Variants in MARCHF8 observed in about 807,000 individuals in gnomAD.
The protein encoded by MARCHF8 is membrane associated ring-CH-type finger 8.
In MARCHF8, 40 loss-of-function variants were observed where a neutral mutation model predicts 51.6. The observed-to-expected ratio is 0.77, with a 90% confidence interval of 0.60 to 1.01. The LOEUF (loss-of-function observed/expected upper bound fraction) is 1.01, where lower values mean the gene tolerates loss of function less well. MARCHF8 is among the 50% of genes least tolerant of loss of function. The pLI, the probability that MARCHF8 is intolerant of heterozygous loss-of-function variation, is 0.00. For synonymous variants in MARCHF8, 263 were observed against 280.3 expected (o/e 0.94, Z 0.62); for missense variants, 685 against 708.6 (o/e 0.97, Z 0.38).
chr10:45,511,847 G>C (rs1170625462), intron 2 of MARCHF8, among the ~76,000 whole-genome samples: 1 of 151,980 alleles, frequency 6.6e-6, no homozygotes, highest in African/African-American at 2.4e-5. Flanking sequence ...GGGAAGTGAG[G>C]AGCGTCTCTG....
chr10:45,463,589 C>T lies in MARCHF8; in HGVS notation c.650G>A (p.Cys217Tyr), dbSNP rs1363044928. The T allele has an allele frequency of 1.3e-6, 2 of 1,550,552 alleles. No homozygotes were observed. Among genetic ancestry groups the T allele is most frequent in the African/African-American group, 1.4e-5 (1 of 73,058 alleles). Residue 217 changes from cysteine (C) to tyrosine (Y), a missense_variant, in exon 5 of 8, where the codon TGT (cysteine) becomes TAT (tyrosine). Cys to Tyr is a radical substitution (Grantham distance 194). Coordinates refer to ENST00000453424, the MANE Select transcript of MARCHF8 (RefSeq NM_001282866.2). ...GCGACCGGCAGAAAGGCATGAAACA[C>T]AAGAATGTTTGGAATTGCCAAGAGG... ...HKPLGNSKHSCVSCLSAGRST... is the reference protein window; with the variant it reads ...HKPLGNSKHSYVSCLSAGRST...
chr10:45,564,806 A>G (rs184062035), intron 1 of MARCHF8, among the ~76,000 whole-genome samples: 1 of 152,180 alleles, frequency 6.6e-6, no homozygotes, highest in East Asian at 1.9e-4. Flanking sequence ...TTTAATCAGA[A>G]AAAGAAGCCA....
chr10:45,548,775 G>A (rs1445320917), intron 1 of MARCHF8, among the ~76,000 whole-genome samples: 1 of 151,926 alleles, frequency 6.6e-6, no homozygotes, highest in East Asian at 1.9e-4. Context: ...GCGGTGGATC[G>A]CCTGAGGTCA....
At chr10:45,534,796 C>T (rs2043948636) in intron 1 of MARCHF8, among the ~76,000 whole-genome samples, 1 of 152,110 alleles carries the variant, frequency 6.6e-6, no homozygotes, top group Admixed American at 6.6e-5. Context: ...CTCTACCTCT[C>T]CCCAAACTCT....
rs34446338 is a variant in MARCHF8 at position 45,580,003 on chromosome 10, C to CAA, written c.-79+14230_-79+14231dup. Among the ~76,000 whole-genome samples the CAA allele has an allele frequency of 1.4e-3, 51 of 36,462 alleles. 1 individual carries two copies. Among genetic ancestry groups the CAA allele is most frequent in the South Asian group, 5.4e-3 (4 of 742 alleles). 23.9% of individuals were successfully genotyped at this position (36,462 alleles called of 152,430 possible). A position where few individuals can be genotyped will look rare whatever the true frequency, so the allele number is the denominator to read the frequency against. The stretch of plus-strand genomic sequence containing the variant: ...ACTCCAGCCTGAAAGACTCCGTCTC[C>CAA]AAAAAAAAAAAAAAAAAAAAAAAAA... On this transcript the variant is annotated intron_variant, in intron 1 of 6. Coordinates refer to the MARCHF8 transcript ENST00000319836.
rs7908745 is a variant in MARCHF8 at position 45,458,319 on chromosome 10, A to G, written c.1642T>C (p.Tyr548His). The G allele has an allele frequency of 0.31, 507,442 of 1,613,644 alleles. 81,200 individuals carry two copies. The highest frequency in any genetic ancestry group is 0.39 in the Admixed American group (23,387 of 60,010). Reference protein sequence around the residue: ...TEPNFENKHGYGICHSDTNSS... With the variant: ...TEPNFENKHGHGICHSDTNSS... Reference sequence around the variant, plus strand: ...TTTGTGTCGGAATGACAGATTCCATATCCATGTTTATTTTCAAAGTTGGGC... The same window carrying G: ...TTTGTGTCGGAATGACAGATTCCATGTCCATGTTTATTTTCAAAGTTGGGC... Residue 548 changes from tyrosine to histidine, a missense_variant, in exon 8 of 8, where the codon TAT becomes CAT. Tyr to His is a moderately conservative substitution (Grantham distance 83). Transcript: ENST00000453424.
chr10:45,521,265 T>TGCA (rs2043700763), intron 2 of MARCHF8, among the ~76,000 whole-genome samples: 1 of 152,226 alleles, frequency 6.6e-6, no homozygotes, highest in African/African-American at 2.4e-5. Context: ...ATAAACTGCC[T>TGCA]AGGCAGGTAT....
At chr10:45,576,880 T>G (rs2044495762) in intron 1 of MARCHF8, among the ~76,000 whole-genome samples, 1 of 147,976 alleles carries the variant, frequency 6.8e-6, no homozygotes. Context: ...TCACTGGAGC[T>G]CAGGAAGTCA....
intron 2 of MARCHF8, among the ~76,000 whole-genome samples, chr10:45,500,484 C>G (rs909653529): frequency 4.6e-5 from 7 of 152,100 alleles, no homozygotes; most frequent in Non-Finnish European, 7.4e-5. Context: ...AGTGGCAAAA[C>G]CAGGCAACCT....
chr10:45,547,385 A>C (rs2044140114), intron 1 of MARCHF8, among the ~76,000 whole-genome samples: 1 of 152,146 alleles, frequency 6.6e-6, no homozygotes, highest in South Asian at 2.1e-4. Context: ...AACTTGCCCA[A>C]GCTTTCACAG....
intron 1 of MARCHF8, among the ~76,000 whole-genome samples, chr10:45,548,518 G>A (rs1291410056): frequency 2.0e-5 from 3 of 152,140 alleles, no homozygotes; most frequent in Non-Finnish European, 2.9e-5. Flanking sequence ...GAAAGATTTT[G>A]CATCTCAGGG....
At position 45,463,441 on chromosome 10, in the gene MARCHF8, C is replaced by A. The variant is rs765614353; in HGVS notation, c.798G>T (p.Ser266=). ...GCAGGCTGCTGGCGCTCAAGCCGTG[C>A]GAGAGTGAGAACAGGTACTGGAGCA... ...RQLLQYLFSL[S]HGLSASSLHR... is the part of the protein sequence containing the mutation. Residue 266 remains serine, a synonymous_variant, in exon 5 of 8, where the codon TCG becomes TCT. Transcript: ENST00000453424. 5.4e-5 allele frequency: 84 copies of A among 1,550,482 alleles called. No homozygotes were observed. The South Asian group carries it at 7.9e-4, about 14-fold the overall frequency.
chr10:45,526,981 C>A (rs2043804737), intron 2 of MARCHF8, among the ~76,000 whole-genome samples: 2 of 152,116 alleles, frequency 1.3e-5, no homozygotes, highest in African/African-American at 4.8e-5. Context: ...ACTCTCAAAT[C>A]TATACAAATA....
rs527831276 is a variant in MARCHF8 at position 45,591,010 on chromosome 10, C to G, written c.-79+3225G>C. On this transcript the variant is annotated intron_variant, in intron 1 of 6. Coordinates refer to the MARCHF8 transcript ENST00000319836. ...TAAACGTACTTTGTAATCTCCCCCACCCTTAAGAAGGTTCTTTGTAATTCT... is the reference window on the plus strand; with the variant it reads ...TAAACGTACTTTGTAATCTCCCCCAGCCTTAAGAAGGTTCTTTGTAATTCT... Among the ~76,000 whole-genome samples the G allele has an allele frequency of 6.6e-5, 10 of 152,332 alleles. 1 individual carries two copies. The South Asian group carries it at 2.1e-3, about 32-fold the overall frequency.
chr10:45,484,135 A>C (rs79167995), intron 3 of MARCHF8, among the ~76,000 whole-genome samples: 3,383 of 152,354 alleles, frequency 0.022, 96 homozygotes, highest in Admixed American at 0.071. Flanking sequence ...ATCATTACAT[A>C]GTCTATGCAT....
At chr10:45,566,417 AC>A (rs1360612484) in intron 1 of MARCHF8, among the ~76,000 whole-genome samples, 2 of 151,880 alleles carry the variant, frequency 1.3e-5, no homozygotes, top group Admixed American at 6.6e-5. Flanking sequence ...TCCCTTCAGC[AC>A]CCCACTACCC....
chr10:45,511,602 G>T lies in MARCHF8; in HGVS notation c.102+21508C>A, dbSNP rs1589137079. On this transcript the variant is annotated intron_variant, in intron 2 of 7. Coordinates refer to ENST00000453424, the MANE Select transcript of MARCHF8 (RefSeq NM_001282866.2). ...TTCTTACTTTTTTGGTGGAGACGGG[G>T]TTTCGCTGTGTTGGCCGGGCTGGTC... 4.6e-5 allele frequency among the ~76,000 whole-genome samples: 7 copies of T among 152,366 alleles called. No homozygotes were observed. In the South Asian group the frequency reaches 1.4e-3, roughly 32 times the overall value.
chr10:45,538,083 C>T (rs553408689), upstream of MARCHF8, among the ~76,000 whole-genome samples: 8 of 152,126 alleles, frequency 5.3e-5, no homozygotes, highest in African/African-American at 1.9e-4. Context: ...TTGGGTTACC[C>T]ACAAAGGGAA....
chr10:45,555,753 AAAAAAG>A (rs923493314), intron 1 of MARCHF8, among the ~76,000 whole-genome samples: 14 of 151,800 alleles, frequency 9.2e-5, no homozygotes, highest in Admixed American at 2.0e-4. Flanking sequence ...CAAAAAAAAA[AAAAAAG>A]AAAAAGAAAA....
Sources: allele counts gnomAD v4.1 joint callset (sites outside exome capture counted in the v4.1 genomes callset), GRCh38; gene constraint gnomAD v4.1.1; transcripts MANE v1.5; gene names NCBI Gene and HGNC (gene_info 2026-07-23, HGNC 2026-07-21).